Variants in FTO observed in about 807,000 individuals in gnomAD.
FTO encodes the protein FTO alpha-ketoglutarate dependent dioxygenase.
Under a neutral mutation model 63.9 loss-of-function variants are expected in FTO, and 47 were observed. The observed-to-expected ratio is 0.74, with a 90% CI of 0.58 to 0.94. FTO has a LOEUF of 0.94. Ranked by LOEUF, FTO falls within the 40% of genes least tolerant of loss-of-function variation. The pLI, the probability that FTO is intolerant of heterozygous loss-of-function variation, is 0.00. For missense variants in FTO, 562 were observed against 618.1 expected, an observed-to-expected ratio of 0.91 and a Z score of 0.96; for synonymous variants, 207 against 224.4, an observed-to-expected ratio of 0.92 and a Z score of 0.69.
At chr16:53,819,333 C>T (rs1288531595) in intron 2 of FTO, among the ~76,000 whole-genome samples, 1 of 152,104 alleles carries the variant, frequency 6.6e-6, no homozygotes, top group Non-Finnish European at 1.5e-5. Flanking sequence ...CCACACCTGG[C>T]TAATTTTTTT....
chr16:53,882,780 T>A (rs2080872688), intron 6 of FTO, among the ~76,000 whole-genome samples: 1 of 152,220 alleles, frequency 6.6e-6, no homozygotes, highest in East Asian at 1.9e-4. Context: ...TCGTCTCCCA[T>A]GGCAACATAT....
intron 8 of FTO, among the ~76,000 whole-genome samples, chr16:54,102,144 T>C (rs2086654715): frequency 6.6e-6 from 1 of 152,224 alleles, no homozygotes; most frequent in African/African-American, 2.4e-5. Flanking sequence ...TCTTTTGCTG[T>C]GCAGAAGCTC....
At chr16:54,035,339 C>T (rs1473218200) in intron 8 of FTO, among the ~76,000 whole-genome samples, 1 of 152,170 alleles carries the variant, frequency 6.6e-6, no homozygotes. Context: ...GGTTCTGGCC[C>T]CTCAGTTTGG....
At chr16:53,954,435 T>C (rs2082873022) in intron 8 of FTO, among the ~76,000 whole-genome samples, 1 of 152,148 alleles carries the variant, frequency 6.6e-6, no homozygotes, top group Admixed American at 6.5e-5. Context: ...TTAAGGCAGA[T>C]GGCGTACCTT....
rs556713163 is a variant in FTO, at chr16:53,896,128, A to G, written c.1239+7177A>G. Among the ~76,000 whole-genome samples the G allele has an allele frequency of 5.3e-5, 8 of 152,252 alleles. No individual in the cohort carries two copies. The South Asian group carries it at 1.2e-3, about 24-fold the overall frequency. On this transcript the variant is annotated intron_variant, in intron 7 of 8. Coordinates refer to ENST00000471389, the MANE Select transcript of FTO (RefSeq NM_001080432.3). ...GATGTAAAGGTGTGAAGATCCTGCT[A>G]TTTTCCCTGGGGTGCTATTTTAGCC...
intron 1 of FTO, among the ~76,000 whole-genome samples, chr16:53,784,550 G>A (rs1334442081): frequency 1.3e-5 from 2 of 152,180 alleles, no homozygotes; most frequent in African/African-American, 4.8e-5. Flanking sequence ...CTGTCAAGGT[G>A]TTGGCAGGGA....
intron 8 of FTO, among the ~76,000 whole-genome samples, chr16:54,019,537 A>G (rs1371100230): frequency 6.6e-6 from 1 of 152,206 alleles, no homozygotes; most frequent in Non-Finnish European, 1.5e-5. Flanking sequence ...AGGTCCTCCC[A>G]GGTAGTGATC....
chr16:53,930,183 T>C (rs970928686), intron 7 of FTO, among the ~76,000 whole-genome samples: 2 of 151,526 alleles, frequency 1.3e-5, no homozygotes, highest in East Asian at 1.9e-4. Context: ...ATGAAATAAA[T>C]ATATAGTTTT....
At chr16:54,023,417 T>G (rs1469445708) in intron 8 of FTO, among the ~76,000 whole-genome samples, 1 of 152,212 alleles carries the variant, frequency 6.6e-6, no homozygotes, top group Non-Finnish European at 1.5e-5. Context: ...TCAAATAATC[T>G]TCTACCGTTT....
At chr16:53,851,403 G>A (rs2079791636) in intron 4 of FTO, among the ~76,000 whole-genome samples, 3 of 150,702 alleles carry the variant, frequency 2.0e-5, no homozygotes, top group East Asian at 3.9e-4. Context: ...AGGTTGCAGC[G>A]AGTCAAGATT....
intron 8 of FTO, among the ~76,000 whole-genome samples, chr16:54,019,156 T>G (rs1239908228): frequency 6.6e-6 from 1 of 152,192 alleles, no homozygotes; most frequent in Non-Finnish European, 1.5e-5. Flanking sequence ...TCAATTCTTC[T>G]TGTGTCTCCT....
chr16:53,982,606 A>G (rs560123661), intron 8 of FTO, among the ~76,000 whole-genome samples: 1 of 152,302 alleles, frequency 6.6e-6, no homozygotes, highest in Admixed American at 6.5e-5. Flanking sequence ...GCTTCAAGTG[A>G]TAGAATGCTC....
At chr16:53,974,477 T>G (rs951306967) in intron 8 of FTO, among the ~76,000 whole-genome samples, 1 of 152,178 alleles carries the variant, frequency 6.6e-6, no homozygotes, top group Non-Finnish European at 1.5e-5. Context: ...CAAATGATCA[T>G]GCAAACCTTT....
At chr16:53,809,775 C>T (rs888453747) in intron 1 of FTO, among the ~76,000 whole-genome samples, 1 of 151,818 alleles carries the variant, frequency 6.6e-6, no homozygotes, top group African/African-American at 2.4e-5. Flanking sequence ...GACCTTGTCC[C>T]TACTAAAAAT....
chr16:53,907,528 G>A (rs1279525536), intron 7 of FTO, among the ~76,000 whole-genome samples: 2 of 152,156 alleles, frequency 1.3e-5, no homozygotes, highest in Admixed American at 6.5e-5. Flanking sequence ...TCTACTGTGT[G>A]CATATAGCTT....
intron 1 of FTO, among the ~76,000 whole-genome samples, chr16:53,729,459 C>T (rs1028253389): frequency 1.3e-5 from 2 of 151,082 alleles, no homozygotes; most frequent in Non-Finnish European, 3.0e-5. Flanking sequence ...GTGGAGATCT[C>T]GCCACTGCAC....
chr16:53,767,193 C>T (rs2077228074), intron 1 of FTO, among the ~76,000 whole-genome samples: 1 of 152,190 alleles, frequency 6.6e-6, no homozygotes, highest in African/African-American at 2.4e-5. Flanking sequence ...AGTCTACGCA[C>T]TGTCCAGAAG....
intron 6 of FTO, 131 bp from the exon 7 acceptor site, chr16:53,888,701 G>A (rs2081072031): frequency 1.0e-6 from 1 of 968,950 alleles, no homozygotes; most frequent in South Asian, 1.3e-5. Flanking sequence ...AACTGGTTAG[G>A]CTGACCTTTC....
intron 1 of FTO, among the ~76,000 whole-genome samples, chr16:53,749,296 G>T (rs757357977): frequency 1.3e-5 from 2 of 151,834 alleles, no homozygotes; most frequent in Non-Finnish European, 2.9e-5. Flanking sequence ...TTTCCTATTT[G>T]GATGCTTTTT....
Sources: gnomAD v4.1 joint callset for allele counts (sites outside exome capture counted in the v4.1 genomes callset) on GRCh38, gnomAD v4.1.1 for gene constraint, MANE v1.5 for transcripts, NCBI Gene and HGNC (gene_info 2026-07-23, HGNC 2026-07-21) for gene names.